The following ST6GALNAC3 variants were observed in gnomAD, a reference collection of about 807,000 sequenced individuals.
ST6GALNAC3 encodes alpha-N-acetylgalactosaminide alpha-2,6-sialyltransferase 3.
A neutral mutation model predicts 32.7 loss-of-function variants in ST6GALNAC3; 25 were observed. That is an observed-to-expected ratio of 0.76 (90% confidence interval 0.56 to 1.07). The LOEUF is 1.07. Among genes scored for constraint, ST6GALNAC3 ranks in the 50% least tolerant of loss-of-function variants. The pLI, the probability that ST6GALNAC3 is intolerant of heterozygous loss-of-function variation, is 0.00. For missense variants in ST6GALNAC3, 355 were observed against 382.4 expected (o/e 0.93, Z 0.60); for synonymous variants, 129 against 133.1 (o/e 0.97, Z 0.21).
At chr1:76,196,143 A>G (rs550939955) in intron 1 of ST6GALNAC3, among the ~76,000 whole-genome samples, 2 of 152,318 alleles carry the variant, frequency 1.3e-5, no homozygotes, top group Non-Finnish European at 2.9e-5. Flanking sequence ...TAGGTCCTAT[A>G]TAAGTGTTAT....
intron 3 of ST6GALNAC3, among the ~76,000 whole-genome samples, chr1:76,498,273 T>C (rs1660976446): frequency 6.6e-6 from 1 of 152,210 alleles, no homozygotes; most frequent in Non-Finnish European, 1.5e-5. Context: ...TTATCATAAA[T>C]ACAGCTGATG....
intron 1 of ST6GALNAC3, among the ~76,000 whole-genome samples, chr1:76,244,994 C>T (rs563057885): frequency 6.6e-6 from 1 of 152,194 alleles, no homozygotes; most frequent in East Asian, 1.9e-4. Flanking sequence ...TTTGGAATAG[C>T]TTCAGAAGCA....
intron 1 of ST6GALNAC3, among the ~76,000 whole-genome samples, chr1:76,102,476 C>G (rs990638115): frequency 1.3e-5 from 2 of 151,890 alleles, no homozygotes; most frequent in Non-Finnish European, 2.9e-5. Context: ...GTTCCTTGTT[C>G]CAGTTTCTCC....
chr1:76,289,796 C>G (rs1364058817), intron 1 of ST6GALNAC3, among the ~76,000 whole-genome samples: 1 of 152,218 alleles, frequency 6.6e-6, no homozygotes, highest in East Asian at 1.9e-4. Context: ...TTAAGGCCAT[C>G]ACATTCACTG....
chr1:76,581,859 G>A (rs768443902), intron 3 of ST6GALNAC3, among the ~76,000 whole-genome samples: 1 of 152,072 alleles, frequency 6.6e-6, no homozygotes, highest in Admixed American at 6.6e-5. Context: ...CATTGAGTTA[G>A]TTCTGATGAG....
At chr1:76,304,011 T>TA (rs1441522207) in intron 1 of ST6GALNAC3, among the ~76,000 whole-genome samples, 2 of 151,970 alleles carry the variant, frequency 1.3e-5, no homozygotes, top group Non-Finnish European at 2.9e-5. Context: ...ACAGAAATCT[T>TA]AAAGTGAGAT....
At chr1:76,403,898 T>A (rs1653617806) in intron 2 of ST6GALNAC3, among the ~76,000 whole-genome samples, 1 of 151,996 alleles carries the variant, frequency 6.6e-6, no homozygotes, top group Non-Finnish European at 1.5e-5. Flanking sequence ...CACATCCATA[T>A]GAGAAAACTC....
Position 76,420,542 on chromosome 1 carries a change from G to A in ST6GALNAC3, c.623+8125G>A, listed in dbSNP as rs192306292. Reference sequence around the variant, plus strand: ...TTTTATTCTCAGATCTAGCATAGCGGTGGTTAGCCATAAAATACAGTACCA... The same window carrying A: ...TTTTATTCTCAGATCTAGCATAGCGATGGTTAGCCATAAAATACAGTACCA... On this transcript the variant is annotated intron_variant, in intron 3 of 4. Coordinates refer to ENST00000328299, the MANE Select transcript of ST6GALNAC3 (RefSeq NM_152996.4). Among the ~76,000 whole-genome samples the A allele has an allele frequency of 1.1e-4, 17 of 152,140 alleles. No homozygotes were observed. In the East Asian group the frequency reaches 2.7e-3, roughly 24 times the overall value.
At position 76,158,351 on chromosome 1, in the gene ST6GALNAC3, G is replaced by T. The variant is rs540611749; in HGVS notation, c.18+83467G>T. 1.3e-5 allele frequency among the ~76,000 whole-genome samples: 2 copies of T among 152,304 alleles called. 1 individual carries two copies. Among genetic ancestry groups the T allele is most frequent in the South Asian group, 4.2e-4 (2 of 4,816 alleles). On this transcript the variant is annotated intron_variant, in intron 1 of 4. Transcript: ENST00000328299. ...TACACCCTGGACATAGCAACCGACT[G>T]AGTCAGGCCAATTAACTTCTCTAGC...
chr1:76,124,117 TGAAAA>T (rs1324857186), intron 1 of ST6GALNAC3, among the ~76,000 whole-genome samples: 3 of 151,904 alleles, frequency 2.0e-5, no homozygotes, highest in South Asian at 2.1e-4. Context: ...TGTCTAAAAA[TGAAAA>T]GAAAAGAAAA....
chr1:76,142,888 C>A (rs1410902110), intron 1 of ST6GALNAC3: 1 of 454,974 alleles, frequency 2.2e-6, no homozygotes, highest in African/African-American at 2.0e-5. Context: ...CACATTGGGT[C>A]AATTCACATG....
intron 2 of ST6GALNAC3, among the ~76,000 whole-genome samples, chr1:76,315,042 G>A (rs140434760): frequency 1.8e-3 from 278 of 151,982 alleles, no homozygotes; most frequent in African/African-American, 6.2e-3. Context: ...AATTGTTTCT[G>A]TATCTGCAGG....
At chr1:76,471,239 C>T (rs555876204) in intron 3 of ST6GALNAC3, among the ~76,000 whole-genome samples, 4 of 152,026 alleles carry the variant, frequency 2.6e-5, no homozygotes, top group Admixed American at 2.0e-4. Context: ...ATCTGAATAC[C>T]GTTAAGGTGT....
At chr1:76,485,226 G>C (rs1158651476) in intron 3 of ST6GALNAC3, among the ~76,000 whole-genome samples, 1 of 152,288 alleles carries the variant, frequency 6.6e-6, no homozygotes, top group Non-Finnish European at 1.5e-5. Context: ...TCAGGATGAT[G>C]CTGGCCTCAT....
intron 1 of ST6GALNAC3, among the ~76,000 whole-genome samples, chr1:76,202,407 G>A (rs1181123967): frequency 6.6e-6 from 1 of 152,072 alleles, no homozygotes; most frequent in Non-Finnish European, 1.5e-5. Flanking sequence ...GGTCCTGGGA[G>A]GGAATACATA....
chr1:76,209,698 G>C (rs1655030465), intron 1 of ST6GALNAC3, among the ~76,000 whole-genome samples: 1 of 152,182 alleles, frequency 6.6e-6, no homozygotes, highest in East Asian at 1.9e-4. Flanking sequence ...AGTTATTAAA[G>C]AACCAATTGA....
At chr1:76,442,152 T>C (rs1656658744) in intron 3 of ST6GALNAC3, among the ~76,000 whole-genome samples, 1 of 152,196 alleles carries the variant, frequency 6.6e-6, no homozygotes. Flanking sequence ...TCCCCTTCCA[T>C]AAAATGAGTT....
intron 3 of ST6GALNAC3, among the ~76,000 whole-genome samples, chr1:76,607,532 C>T (rs979132055): frequency 1.3e-5 from 2 of 152,064 alleles, no homozygotes; most frequent in African/African-American, 2.4e-5. Context: ...CAAGGGTCTT[C>T]GAAGTGCTTG....
chr1:76,158,637 A>T (rs776686224), intron 1 of ST6GALNAC3, among the ~76,000 whole-genome samples: 8 of 152,230 alleles, frequency 5.3e-5, no homozygotes, highest in Non-Finnish European at 1.0e-4. Context: ...GGCTACAGGT[A>T]CTTTAATTAC....
Sources: allele counts gnomAD v4.1 joint callset (sites outside exome capture counted in the v4.1 genomes callset), GRCh38; gene constraint gnomAD v4.1.1; transcripts MANE v1.5; gene names NCBI Gene and HGNC (gene_info 2026-07-23, HGNC 2026-07-21).